FAR2: variants seen among roughly 807,000 people sequenced by gnomAD.
The protein encoded by FAR2 is fatty acyl-CoA reductase 2.
In FAR2, 19 loss-of-function variants were observed where a neutral mutation model predicts 56.0. The ratio of observed to expected loss-of-function variants is 0.34; its 90% confidence interval spans 0.24 to 0.50. The LOEUF (loss-of-function observed/expected upper bound fraction) is 0.50, where lower values mean the gene tolerates loss of function less well. Ranked by LOEUF, FAR2 falls within the 20% of genes least tolerant of loss-of-function variation. The pLI, the probability that FAR2 is intolerant of heterozygous loss-of-function variation, is 0.98. For missense variants in FAR2, 508 were observed against 642.2 expected (o/e 0.79, Z 2.26); for synonymous variants, 219 against 218.8 (o/e 1.00, Z -0.01).
chr12:29,228,649 G>A (rs931199902), intron 1 of FAR2, among the ~76,000 whole-genome samples: 2 of 152,072 alleles, frequency 1.3e-5, no homozygotes, highest in African/African-American at 2.4e-5. Context: ...GTGCAGTGGC[G>A]CAGTCTCGAC....
At chr12:29,175,253 T>G (rs1359009496) in intron 1 of FAR2, among the ~76,000 whole-genome samples, 1 of 152,248 alleles carries the variant, frequency 6.6e-6, no homozygotes, top group Non-Finnish European at 1.5e-5. Flanking sequence ...AGTGGGTTCT[T>G]GGTCTCGCTG....
intron 1 of FAR2, among the ~76,000 whole-genome samples, chr12:29,232,113 A>T (rs538568040): frequency 2.0e-5 from 3 of 152,332 alleles, no homozygotes; most frequent in African/African-American, 7.2e-5. Context: ...AGTTTCCAAT[A>T]TAAGATGAGG....
chr12:29,177,614 A>G lies in FAR2; in HGVS notation c.-39+28207A>G, dbSNP rs558021708. On this transcript the variant is annotated intron_variant, in intron 1 of 11. Coordinates refer to ENST00000536681, the MANE Select transcript of FAR2 (RefSeq NM_001271783.2). ...AATGATAAAAATGGGTAGTGGGTTG[A>G]AAAAAAGCATTGAAATTACATTACT... Among the ~76,000 whole-genome samples, 7 of 152,230 alleles carry G rather than the reference A, an allele frequency of 4.6e-5. No individual in the cohort carries two copies. The South Asian group carries it at 1.5e-3, about 32-fold the overall frequency.
intron 1 of FAR2, among the ~76,000 whole-genome samples, chr12:29,212,326 C>T (rs948497955): frequency 6.6e-6 from 1 of 152,052 alleles, no homozygotes; most frequent in African/African-American, 2.4e-5. Context: ...TTCTTGCTGA[C>T]CATTCTATTC....
chr12:29,295,366 GC>G (rs1252189157), intron 3 of FAR2, among the ~76,000 whole-genome samples: 2 of 152,126 alleles, frequency 1.3e-5, no homozygotes, highest in African/African-American at 4.8e-5. Context: ...GAGCCACCGT[GC>G]CCAGCCACAC....
chr12:29,238,013 G>C (rs551269376), intron 1 of FAR2, among the ~76,000 whole-genome samples: 3 of 152,248 alleles, frequency 2.0e-5, no homozygotes, highest in South Asian at 2.1e-4. Context: ...CATCTAATGA[G>C]CAAGATAGGC....
intron 2 of FAR2, among the ~76,000 whole-genome samples, chr12:29,278,778 A>T (rs1948741778): frequency 6.6e-6 from 1 of 152,202 alleles, no homozygotes; most frequent in African/African-American, 2.4e-5. Flanking sequence ...TGGACTTGAT[A>T]CTATTACAGG....
chr12:29,223,616 G>A (rs1177923384), intron 1 of FAR2: 2 of 152,120 alleles, frequency 1.3e-5, no homozygotes, highest in African/African-American at 2.4e-5. Flanking sequence ...CACATTACTT[G>A]GATTTCACAA....
At chr12:29,295,756 ATTTTTT>A (rs61390530) in intron 3 of FAR2, among the ~76,000 whole-genome samples, 13 of 88,390 alleles carry the variant, frequency 1.5e-4, no homozygotes, top group East Asian at 1.4e-3. Flanking sequence ...TTTTTACGTA[ATTTTTT>A]TTTTTTTTTT....
rs1336223876 is a variant in FAR2, at chr12:29,276,411, A to G, written c.189+5773A>G. On this transcript the variant is annotated intron_variant, in intron 2 of 11. Coordinates refer to ENST00000536681, the MANE Select transcript of FAR2 (RefSeq NM_001271783.2). ...ACGGTAGATCACAAACCATGTCTAC[A>G]TGGCCATTTTGTGGGTAACAAGAAC... Among the ~76,000 whole-genome samples, 7 of 152,314 alleles carry G rather than the reference A, an allele frequency of 4.6e-5. No individual in the cohort carries two copies. The East Asian group carries it at 9.7e-4, about 21-fold the overall frequency.
chr12:29,330,056 CT>C (rs10693997), intron 10 of FAR2, among the ~76,000 whole-genome samples: 126 of 127,024 alleles, frequency 9.9e-4, no homozygotes, highest in Non-Finnish European at 1.2e-3. Context: ...ACATTTATGA[CT>C]TTTTTTTTTT....
intron 1 of FAR2, among the ~76,000 whole-genome samples, chr12:29,228,772 G>C (rs1346052840): frequency 6.6e-6 from 1 of 152,150 alleles, no homozygotes; most frequent in African/African-American, 2.4e-5. Flanking sequence ...GTTTTCAGTA[G>C]AGAAAAGGTT....
At chr12:29,190,856 T>C (rs1378070565) in intron 1 of FAR2, among the ~76,000 whole-genome samples, 1 of 152,230 alleles carries the variant, frequency 6.6e-6, no homozygotes, top group Non-Finnish European at 1.5e-5. Context: ...TTTCAATTTT[T>C]ACATTAATTT....
At chr12:29,165,289 T>C (rs1336039118) in intron 1 of FAR2, among the ~76,000 whole-genome samples, 4 of 152,186 alleles carry the variant, frequency 2.6e-5, no homozygotes, top group African/African-American at 9.7e-5. Context: ...AAGAAGGAAA[T>C]ACTCTAAGGA....
In FAR2 at chr12:29,316,992, G is replaced by A; in HGVS notation, c.1107G>A (p.Arg369=). 1 of 1,613,358 alleles carries A rather than the reference G, an allele frequency of 6.2e-7. No individual in the cohort carries two copies. The change falls in exon 9 of 12, where the codon CGG becomes CGA. Residue 369 remains arginine (R), a synonymous_variant. Transcript: ENST00000536681. ...CCATTATCTATGACTGCTATCTGCG[G>A]CTCACTGGAAGGAAGCCCAGGTGAG... The part of the protein sequence containing the change: ...APAIIYDCYL[R]LTGRKPRMTK...
At chr12:29,234,154 G>T (rs2136655568) in intron 1 of FAR2, among the ~76,000 whole-genome samples, 1 of 152,114 alleles carries the variant, frequency 6.6e-6, no homozygotes, top group Admixed American at 6.6e-5. Flanking sequence ...CTAGTCCCAT[G>T]GTTAGAGTTA....
chr12:29,288,742 T>C (rs1375560779), intron 2 of FAR2, among the ~76,000 whole-genome samples: 1 of 152,206 alleles, frequency 6.6e-6, no homozygotes, highest in African/African-American at 2.4e-5. Context: ...CTGCTATCTC[T>C]CATCACAGTC....
chr12:29,164,504 C>T lies in FAR2; in HGVS notation c.-39+15097C>T, dbSNP rs139978093. 1.4e-3 allele frequency among the ~76,000 whole-genome samples: 211 copies of T among 152,330 alleles called. 1 individual carries two copies. In the South Asian group the frequency reaches 0.02, roughly 14 times the overall value. ...ACCAGCAGGCCTAGTTTCCATCTCC[C>T]TCACAGGGTGTGATATTGGTGACAT... On this transcript the variant is annotated intron_variant, in intron 1 of 11. Coordinates refer to ENST00000536681, the MANE Select transcript of FAR2 (RefSeq NM_001271783.2).
chr12:29,270,456 A>G lies in FAR2; in HGVS notation c.7A>G (p.Thr3Ala). ...TAAAAGAAAGGGAGGAATCATGTCCACAATTGCAGCTTTCTATGGCGGCAA... is the reference window on the plus strand; with the variant it reads ...TAAAAGAAAGGGAGGAATCATGTCCGCAATTGCAGCTTTCTATGGCGGCAA... MS[T>A]IAAFYGGKSI... Residue 3 changes from threonine to alanine, a missense_variant, in exon 2 of 12, where the codon ACA (threonine) becomes GCA (alanine). By Grantham distance (58) the Thr-to-Ala change is moderately conservative. Coordinates refer to ENST00000536681, the MANE Select transcript of FAR2 (RefSeq NM_001271783.2). 6.4e-7 allele frequency: 1 copy of G among 1,572,218 alleles called. No homozygotes were observed. The highest frequency in any genetic ancestry group is 8.7e-7 in the Non-Finnish European group (1 of 1,151,288).
Sources: gnomAD v4.1 joint callset for allele counts (sites outside exome capture counted in the v4.1 genomes callset) on GRCh38, gnomAD v4.1.1 for gene constraint, MANE v1.5 for transcripts, NCBI Gene and HGNC (gene_info 2026-07-23, HGNC 2026-07-21) for gene names.